Variants in MAPT observed in about 807,000 individuals in gnomAD.
MAPT encodes the protein microtubule-associated protein tau.
In MAPT, 34 loss-of-function variants were observed where a neutral mutation model predicts 67.9. That is an observed-to-expected ratio of 0.50 (90% CI 0.38 to 0.67). MAPT has a LOEUF of 0.67. MAPT is among the 30% of genes least tolerant of loss of function. The probability of loss-of-function intolerance (pLI) is 0.00; values close to 1 mark genes in which losing one functional copy is unlikely to be tolerated. For synonymous variants in MAPT, 456 were observed against 464.5 expected, an observed-to-expected ratio of 0.98 and a Z score of 0.23; for missense variants, 881 against 1,115.2, an observed-to-expected ratio of 0.79 and a Z score of 2.99.
chr17:45,935,979 C>T (rs1406905685), intron 1 of MAPT, among the ~76,000 whole-genome samples: 1 of 152,210 alleles, frequency 6.6e-6, no homozygotes, highest in Non-Finnish European at 1.5e-5. Flanking sequence ...TGGCCTTGGA[C>T]TGTGTGTACC....
At position 45,896,241 on chromosome 17, in the gene MAPT, G is replaced by A. The variant is rs1286072792; in HGVS notation, c.-18+1555G>A. ...GCGCCGGGAAGCTTCTGAAGGGATG[G>A]GATTCGAGTCTCCGTGCGCGCTGCG... is the stretch of plus-strand genomic sequence containing the variant. On this transcript the variant is annotated intron_variant, in intron 1 of 12. Coordinates refer to ENST00000262410, the MANE Select transcript of MAPT (RefSeq NM_001377265.1). The surrounding 1 kb of genome is among the most constrained non-coding windows in gnomAD (Gnocchi z 5.6). 6.6e-6 allele frequency: 1 copy of A among 151,976 alleles called. No individual in the cohort carries two copies. 9.4% of individuals were successfully genotyped at this position (151,976 alleles called of 1,614,324 possible).
intron 1 of MAPT, among the ~76,000 whole-genome samples, chr17:45,933,086 C>A (rs62061714): frequency 0.15 from 21,801 of 149,728 alleles, 2,130 homozygotes; most frequent in Non-Finnish European, 0.22. Flanking sequence ...CTGTTTCAAA[C>A]AAACAAACAA....
At chr17:45,959,041 C>T (rs1340292168) in intron 1 of MAPT, among the ~76,000 whole-genome samples, 1 of 152,114 alleles carries the variant, frequency 6.6e-6, no homozygotes, top group African/African-American at 2.4e-5. Context: ...CCAGCCTGGG[C>T]TACAGAGCGA....
intron 1 of MAPT, among the ~76,000 whole-genome samples, chr17:45,942,410 G>A (rs1007265950): frequency 3.3e-5 from 5 of 152,318 alleles, no homozygotes; most frequent in Admixed American, 3.3e-4. Flanking sequence ...ATCTCACAGG[G>A]TCTGCCATCT....
chr17:45,946,232 A>G (rs1161316625), intron 1 of MAPT, among the ~76,000 whole-genome samples: 1 of 152,096 alleles, frequency 6.6e-6, no homozygotes, highest in Non-Finnish European at 1.5e-5. Flanking sequence ...ATTCGTGGAC[A>G]CAGGGAGGGA....
At chr17:45,933,812 G>A (rs898371548) in intron 1 of MAPT, among the ~76,000 whole-genome samples, 6 of 149,134 alleles carry the variant, frequency 4.0e-5, no homozygotes, top group African/African-American at 7.5e-5. Flanking sequence ...AGTGCTCCAC[G>A]TGTCTTTGCA....
chr17:45,964,491 G>A (rs955664943), intron 2 of MAPT, among the ~76,000 whole-genome samples: 3 of 151,574 alleles, frequency 2.0e-5, no homozygotes, highest in Non-Finnish European at 4.4e-5. Context: ...ACCAGCCTGG[G>A]CAACATAGTG....
In MAPT at chr17:46,018,579, A is replaced by G. The variant is rs757207134; in HGVS notation, c.2174-39A>G. 1.1e-5 allele frequency: 15 copies of G among 1,417,410 alleles called. No homozygotes were observed. In the Admixed American group the frequency reaches 2.0e-4, roughly 19 times the overall value. The allele number at this position is 1,417,410 out of a possible 1,614,324, so 87.8% of individuals were successfully genotyped here. A position where few individuals can be genotyped will look rare whatever the true frequency, so the allele number is the denominator to read the frequency against. On this transcript the variant is annotated intron_variant, in intron 11 of 12. Transcript: ENST00000262410. ...TATGTTAAGTCCACAGAACCACAGAAGATGATGGCAAGATGCTCTTGTGTG... is the reference window on the plus strand; with the variant it reads ...TATGTTAAGTCCACAGAACCACAGAGGATGATGGCAAGATGCTCTTGTGTG...
At chr17:46,020,559 G>A (rs1351963858) in intron 12 of MAPT, among the ~76,000 whole-genome samples, 2 of 152,198 alleles carry the variant, frequency 1.3e-5, no homozygotes, top group Non-Finnish European at 2.9e-5. Context: ...ACCCGATACT[G>A]GGCAGTCTAA....
intron 1 of MAPT, chr17:45,895,950 A>G (rs2063176416): frequency 6.6e-6 from 1 of 152,256 alleles, no homozygotes; most frequent in Non-Finnish European, 1.5e-5. Context: ...GCGTTCGCCC[A>G]GCACCTTCTT....
chr17:45,930,434 A>T (rs2066745461), intron 1 of MAPT, among the ~76,000 whole-genome samples: 1 of 152,022 alleles, frequency 6.6e-6, no homozygotes, highest in Admixed American at 6.6e-5. Context: ...AGAAAAGGAA[A>T]GCTAAAGGAG....
At position 45,983,480 on chromosome 17, in the gene MAPT, G is replaced by C; in HGVS notation, c.901G>C (p.Glu301Gln). The C allele has an allele frequency of 6.2e-7, 1 of 1,609,702 alleles. No homozygotes were observed. The highest frequency in any genetic ancestry group is 8.5e-7 in the Non-Finnish European group (1 of 1,177,608). The change falls in exon 5 of 13, where the codon GAG (glutamate) becomes CAG (glutamine). Residue 301 changes from glutamate (E) to glutamine (Q), a missense_variant. Coordinates refer to ENST00000262410, the MANE Select transcript of MAPT (RefSeq NM_001377265.1). The stretch of plus-strand genomic sequence containing the variant: ...GGTGGATGAAGACCGCGACGTCGAT[G>C]AGTCCTCCCCCCAAGACTCCCCTCC... ...EEVDEDRDVD[E>Q]SSPQDSPPSK...
chr17:45,946,237 G>A (rs2068466095), intron 1 of MAPT, among the ~76,000 whole-genome samples: 1 of 152,088 alleles, frequency 6.6e-6, no homozygotes, highest in Non-Finnish European at 1.5e-5. Flanking sequence ...TGGACACAGG[G>A]AGGGACAGGA....
chr17:45,992,644 T>G (rs1032857872), intron 8 of MAPT, among the ~76,000 whole-genome samples: 1 of 151,766 alleles, frequency 6.6e-6, no homozygotes, highest in Non-Finnish European at 1.5e-5. Context: ...ATCCCAGCAC[T>G]TTGGGAGGCC....
At chr17:46,005,591 T>C (rs1484838734) in intron 9 of MAPT, among the ~76,000 whole-genome samples, 1 of 151,978 alleles carries the variant, frequency 6.6e-6, no homozygotes, top group Non-Finnish European at 1.5e-5. Context: ...TTAAAACTAT[T>C]TTTTTTTATT....
rs1211045702 is a variant in MAPT, at chr17:45,904,270, AT to A, written c.-18+9589del. Among the ~76,000 whole-genome samples the A allele has an allele frequency of 1.7e-4, 8 of 47,136 alleles. 1 individual carries two copies. The highest frequency in any genetic ancestry group is 2.6e-4 in the African/African-American group (4 of 15,232). 30.9% of individuals were successfully genotyped at this position (47,136 alleles called of 152,430 possible). ...ATATTATATATTATATATTATATAT[AT>A]TTTTATATATATAATATGTATAATA... On this transcript the variant is annotated intron_variant, in intron 1 of 12. Coordinates refer to ENST00000262410, the MANE Select transcript of MAPT (RefSeq NM_001377265.1).
At chr17:46,015,829 A>T (rs921766213) in intron 11 of MAPT, among the ~76,000 whole-genome samples, 9 of 152,236 alleles carry the variant, frequency 5.9e-5, no homozygotes, top group African/African-American at 2.2e-4. Context: ...CATGAGCCCC[A>T]TAAATATATA....
chr17:45,937,687 A>G (rs1312095210), intron 1 of MAPT, among the ~76,000 whole-genome samples: 2 of 151,282 alleles, frequency 1.3e-5, no homozygotes, highest in Non-Finnish European at 2.9e-5. Context: ...GTGTGGGGAG[A>G]GGAGGCGGCC....
chr17:45,947,686 C>A (rs1298309535), intron 1 of MAPT, among the ~76,000 whole-genome samples: 1 of 152,074 alleles, frequency 6.6e-6, no homozygotes, highest in Admixed American at 6.6e-5. Flanking sequence ...CCGCGCCTGG[C>A]CTTGCTGTTG....
Sources: gnomAD v4.1 joint callset for allele counts (sites outside exome capture counted in the v4.1 genomes callset) on GRCh38, gnomAD v4.1.1 for gene constraint, Gnocchi (gnomAD v3.1) non-coding constraint, MANE v1.5 for transcripts, NCBI Gene and HGNC (gene_info 2026-07-23, HGNC 2026-07-21) for gene names.